Variants in PDGFD observed in about 807,000 individuals in gnomAD.
PDGFD encodes platelet-derived growth factor D.
Under a neutral mutation model 44.7 loss-of-function variants are expected in PDGFD, and 30 were observed. That is an observed-to-expected ratio of 0.67 (90% CI 0.50 to 0.91). PDGFD has a LOEUF of 0.91. Ranked by LOEUF, PDGFD falls within the 40% of genes least tolerant of loss-of-function variation. The pLI, the probability that PDGFD is intolerant of heterozygous loss-of-function variation, is 0.00. For synonymous variants in PDGFD, 173 were observed against 168.4 expected (o/e 1.03, Z -0.21); for missense variants, 445 against 457.8 (o/e 0.97, Z 0.25).
chr11:104,035,415 C>T (rs1466001747), intron 1 of PDGFD, among the ~76,000 whole-genome samples: 1 of 152,098 alleles, frequency 6.6e-6, no homozygotes, highest in Non-Finnish European at 1.5e-5. Flanking sequence ...CTTTGAACCA[C>T]TGGAAAAGCC....
rs1862431108 is a variant in PDGFD at position 104,164,015 on chromosome 11, C to T, written c.-88G>A. 2.2e-5 allele frequency: 30 copies of T among 1,390,042 alleles called. No individual in the cohort carries two copies. In the South Asian group the frequency reaches 4.7e-4, roughly 22 times the overall value. The allele number at this position is 1,390,042 out of a possible 1,614,324, so 86.1% of individuals were successfully genotyped here. ...GACGCCGCGCCGCCCTGCGCTCTCG[C>T]CGCCTGCGCTCGCCCTGCGCTGGCC... On this transcript the variant is annotated 5_prime_UTR_variant, in exon 1 of 7. Transcript: ENST00000393158.
In PDGFD at chr11:103,909,381, G is replaced by A. The variant is rs1176837477; in HGVS notation, c.*313C>T. On this transcript the variant is annotated 3_prime_UTR_variant, in exon 7 of 7. Transcript: ENST00000393158. ...AACATATGTAAGCTCTGGTGTACCT[G>A]GTTATATATACCAAAAAAAACATTT... is the stretch of plus-strand genomic sequence containing the variant. 1 of 184,170 alleles carries A rather than the reference G, an allele frequency of 5.4e-6. No homozygotes were observed. The highest frequency in any genetic ancestry group is 1.1e-5 in the Non-Finnish European group (1 of 91,696). 11.4% of individuals were successfully genotyped at this position (184,170 alleles called of 1,614,324 possible). A position where few individuals can be genotyped will look rare whatever the true frequency, so the allele number is the denominator to read the frequency against.
At chr11:104,033,083 T>C (rs1451983203) in intron 1 of PDGFD, among the ~76,000 whole-genome samples, 2 of 149,752 alleles carry the variant, frequency 1.3e-5, no homozygotes, top group Non-Finnish European at 3.0e-5. Flanking sequence ...TGTAATATAT[T>C]TTATATATAT....
At chr11:103,941,936 C>T (rs539979425) in intron 5 of PDGFD, among the ~76,000 whole-genome samples, 1 of 152,142 alleles carries the variant, frequency 6.6e-6, no homozygotes, top group Middle Eastern at 3.4e-3. Flanking sequence ...CAATGTCTTA[C>T]AGAAAAGCAA....
chr11:104,114,362 T>C (rs1357153799), intron 1 of PDGFD, among the ~76,000 whole-genome samples: 1 of 151,974 alleles, frequency 6.6e-6, no homozygotes, highest in East Asian at 1.9e-4. Flanking sequence ...CTCTCTTCTC[T>C]CCATTAGGTT....
At chr11:104,044,959 A>C (rs1591136872) in intron 1 of PDGFD, among the ~76,000 whole-genome samples, 1 of 152,146 alleles carries the variant, frequency 6.6e-6, no homozygotes, top group East Asian at 1.9e-4. Context: ...AATGGCTCGA[A>C]CCCGGGGGGC....
At chr11:104,017,552 C>T (rs191378269) in intron 1 of PDGFD, among the ~76,000 whole-genome samples, 119 of 152,294 alleles carry the variant, frequency 7.8e-4, no homozygotes, top group African/African-American at 2.7e-3. Context: ...ATCTCCATTA[C>T]AGAAAATATG....
intron 1 of PDGFD, among the ~76,000 whole-genome samples, chr11:104,118,912 AT>A (rs1164020568): frequency 1.1e-5 from 1 of 87,804 alleles, no homozygotes; most frequent in African/African-American, 4.7e-5. Flanking sequence ...TAAGTATATT[AT>A]ATACATAATA....
At position 103,989,555 on chromosome 11, in the gene PDGFD, T is replaced by A. The variant is rs561827409; in HGVS notation, c.510+6510A>T. On this transcript the variant is annotated intron_variant, in intron 3 of 6. Transcript: ENST00000393158. ...GTACATAATGAAAACTTTAATAGAG[T>A]TCATGGGACAGTGAAGAATGAAATT... Among the ~76,000 whole-genome samples, 18 of 152,148 alleles carry A rather than the reference T, an allele frequency of 1.2e-4. No homozygotes were observed. The South Asian group carries it at 3.5e-3, about 30-fold the overall frequency.
intron 1 of PDGFD, among the ~76,000 whole-genome samples, chr11:104,131,972 AAAAAC>A (rs141551447): frequency 0.14 from 21,317 of 151,404 alleles, 1,713 homozygotes; most frequent in East Asian, 0.29. Flanking sequence ...AGATCTGTTA[AAAAAC>A]AAAACAAAAC....
chr11:103,995,558 T>G (rs1859521949), intron 3 of PDGFD, among the ~76,000 whole-genome samples: 1 of 152,214 alleles, frequency 6.6e-6, no homozygotes, highest in Non-Finnish European at 1.5e-5. Context: ...CCTTTTGATT[T>G]TGCAGATGCT....
At chr11:104,016,995 T>G (rs756380668) in intron 1 of PDGFD, among the ~76,000 whole-genome samples, 1 of 152,236 alleles carries the variant, frequency 6.6e-6, no homozygotes, top group Non-Finnish European at 1.5e-5. Context: ...GTTGAAATTC[T>G]AACCCTCGAG....
At chr11:104,118,738 A>G (rs1214941393) in intron 1 of PDGFD, among the ~76,000 whole-genome samples, 6 of 117,406 alleles carry the variant, frequency 5.1e-5, no homozygotes, top group African/African-American at 2.0e-4. Flanking sequence ...ATATATTAAT[A>G]TATATTATTA....
At chr11:104,067,777 C>G (rs1200637809) in intron 1 of PDGFD, among the ~76,000 whole-genome samples, 1 of 152,082 alleles carries the variant, frequency 6.6e-6, no homozygotes, top group Non-Finnish European at 1.5e-5. Context: ...GAATTTCCTG[C>G]AGACTGCTTT....
intron 3 of PDGFD, among the ~76,000 whole-genome samples, chr11:103,960,176 T>C (rs79908669): frequency 4.6e-5 from 7 of 152,274 alleles, no homozygotes; most frequent in Non-Finnish European, 1.0e-4. Flanking sequence ...CCAAACCAAA[T>C]ACAATTACAA....
intron 1 of PDGFD, among the ~76,000 whole-genome samples, chr11:104,042,838 C>A (rs189412279): frequency 6.4e-4 from 98 of 152,282 alleles, no homozygotes; most frequent in Non-Finnish European, 1.2e-3. Context: ...CTATAAAGAT[C>A]CGTTAAGATG....
chr11:104,131,993 A>G (rs1299593053), intron 1 of PDGFD, among the ~76,000 whole-genome samples: 1 of 147,816 alleles, frequency 6.8e-6, no homozygotes, highest in Admixed American at 6.6e-5. Flanking sequence ...AAAACAAAAC[A>G]AAACAAAAAA....
intron 5 of PDGFD, among the ~76,000 whole-genome samples, chr11:103,936,656 A>G (rs1354789134): frequency 3.9e-5 from 6 of 152,156 alleles, no homozygotes; most frequent in African/African-American, 1.4e-4. Context: ...AAATAATAGA[A>G]TTGGTATTAG....
At chr11:104,087,703 C>T (rs1038455329) in intron 1 of PDGFD, among the ~76,000 whole-genome samples, 4 of 152,140 alleles carry the variant, frequency 2.6e-5, no homozygotes, top group African/African-American at 4.8e-5. Flanking sequence ...TCAGGATGCC[C>T]AGAACAATTT....
Sources: allele counts gnomAD v4.1 joint callset (sites outside exome capture counted in the v4.1 genomes callset), GRCh38; gene constraint gnomAD v4.1.1; transcripts MANE v1.5; gene names NCBI Gene and HGNC (gene_info 2026-07-23, HGNC 2026-07-21).